The following PRKCE variants were observed in gnomAD, a reference collection of about 807,000 sequenced individuals.
PRKCE encodes the protein protein kinase C epsilon type.
In PRKCE, 16 loss-of-function variants were observed where a neutral mutation model predicts 85.4. The observed-to-expected ratio is 0.19, with a 90% CI of 0.13 to 0.28. PRKCE has a LOEUF of 0.28. Among genes scored for constraint, PRKCE ranks in the 10% least tolerant of loss-of-function variants. The probability of loss-of-function intolerance (pLI) is 1.00; values close to 1 mark genes in which losing one functional copy is unlikely to be tolerated. For synonymous variants in PRKCE, 388 were observed against 371.5 expected (o/e 1.04, Z -0.51); for missense variants, 573 against 975.2 (o/e 0.59, Z 5.49).
chr2:45,743,131 A>G (rs1178967240), intron 1 of PRKCE, among the ~76,000 whole-genome samples: 1 of 152,078 alleles, frequency 6.6e-6, no homozygotes, highest in Non-Finnish European at 1.5e-5. Context: ...TAATGGGGAG[A>G]TGTTGGTCAA....
At chr2:45,764,938 G>C (rs1166804356) in intron 1 of PRKCE, among the ~76,000 whole-genome samples, 1 of 152,080 alleles carries the variant, frequency 6.6e-6, no homozygotes, top group East Asian at 1.9e-4. Flanking sequence ...GGAGTCTCTG[G>C]CATCTCTCAG....
At chr2:46,062,382 C>T (rs1667226371) in intron 10 of PRKCE, among the ~76,000 whole-genome samples, 1 of 152,122 alleles carries the variant, frequency 6.6e-6, no homozygotes, top group African/African-American at 2.4e-5. Flanking sequence ...ATATGTCCTA[C>T]TCAAATTAGT....
intron 2 of PRKCE, among the ~76,000 whole-genome samples, chr2:45,890,586 G>A (rs1695651833): frequency 1.3e-5 from 2 of 152,060 alleles, no homozygotes. Context: ...TCACCATGGT[G>A]GCCAGGCTGG....
chr2:45,788,787 A>G (rs1686815463), intron 1 of PRKCE, among the ~76,000 whole-genome samples: 1 of 152,190 alleles, frequency 6.6e-6, no homozygotes, highest in Non-Finnish European at 1.5e-5. Context: ...AAGTAGTGCT[A>G]TTCTCGGGAT....
At chr2:46,102,383 A>G (rs1671326702) in intron 11 of PRKCE, among the ~76,000 whole-genome samples, 1 of 152,144 alleles carries the variant, frequency 6.6e-6, no homozygotes, top group African/African-American at 2.4e-5. Context: ...ATACACCATT[A>G]TTTTTATTTA....
At chr2:45,844,279 A>G (rs913179072) in intron 2 of PRKCE, among the ~76,000 whole-genome samples, 3 of 152,210 alleles carry the variant, frequency 2.0e-5, no homozygotes, top group Non-Finnish European at 4.4e-5. Context: ...GCATAGGTTT[A>G]AAACTTTAAA....
intron 2 of PRKCE, among the ~76,000 whole-genome samples, chr2:45,896,074 T>G (rs1696117117): frequency 6.6e-6 from 1 of 152,182 alleles, no homozygotes; most frequent in Admixed American, 6.5e-5. Flanking sequence ...CCCTTTGAGG[T>G]GTAAGCATAT....
At chr2:46,055,558 A>G (rs1666495391) in intron 10 of PRKCE, among the ~76,000 whole-genome samples, 1 of 151,974 alleles carries the variant, frequency 6.6e-6, no homozygotes, top group Non-Finnish European at 1.5e-5. Context: ...ATTCTTTTAT[A>G]CCCCTACCAG....
At chr2:45,931,839 T>C (rs1238388419) in intron 2 of PRKCE, among the ~76,000 whole-genome samples, 1 of 152,096 alleles carries the variant, frequency 6.6e-6, no homozygotes, top group Non-Finnish European at 1.5e-5. Context: ...CCTCAATAGC[T>C]GGGACTACAG....
chr2:45,958,841 T>A lies in PRKCE; in HGVS notation c.413-17588T>A, dbSNP rs1455116190. Among the ~76,000 whole-genome samples, 30 of 103,942 alleles carry A rather than the reference T, an allele frequency of 2.9e-4. 1 individual carries two copies. The highest frequency in any genetic ancestry group is 9.3e-4 in the African/African-American group (25 of 26,848). The allele number at this position is 103,942 out of a possible 152,430, so 68.2% of individuals were successfully genotyped here. A position where few individuals can be genotyped will look rare whatever the true frequency, so the allele number is the denominator to read the frequency against. On this transcript the variant is annotated intron_variant, in intron 2 of 14. Transcript: ENST00000306156. ...ATTTTTTTTTTTTTTTTTTTTTTTTTTTTTTTTTTTTTTTAATAGAATCCT... is the reference window on the plus strand; with the variant it reads ...ATTTTTTTTTTTTTTTTTTTTTTTTATTTTTTTTTTTTTTAATAGAATCCT...
At chr2:45,775,242 C>T (rs750143785) in intron 1 of PRKCE, among the ~76,000 whole-genome samples, 1 of 152,142 alleles carries the variant, frequency 6.6e-6, no homozygotes, top group Non-Finnish European at 1.5e-5. Flanking sequence ...TTAAAAAGTG[C>T]CCTCACCAGG....
chr2:46,153,728 T>A (rs1676873002), intron 13 of PRKCE, among the ~76,000 whole-genome samples: 1 of 151,692 alleles, frequency 6.6e-6, no homozygotes, highest in South Asian at 2.1e-4. Context: ...GGGCTGCTTC[T>A]TCTTCTTCGT....
Position 46,016,468 on chromosome 2 carries a change from T to C in PRKCE, c.1437+5951T>C, listed in dbSNP as rs182174139. Among the ~76,000 whole-genome samples the C allele has an allele frequency of 2.6e-5, 4 of 152,214 alleles. No individual in the cohort carries two copies. The East Asian group carries it at 5.8e-4, about 22-fold the overall frequency. On this transcript the variant is annotated intron_variant, in intron 10 of 14. Transcript: ENST00000306156. The stretch of plus-strand genomic sequence containing the variant: ...GCATAACAGGATTCATTCTGTGTGA[T>C]AAAGGAAAAGTTGTGGAGTTTGTTA...
chr2:46,120,867 T>C (rs548617480), intron 11 of PRKCE, among the ~76,000 whole-genome samples: 1 of 152,338 alleles, frequency 6.6e-6, no homozygotes, highest in Admixed American at 6.5e-5. Flanking sequence ...CTGTAAAAAC[T>C]AGAATAGTCT....
At chr2:45,791,043 C>T (rs561262065) in intron 1 of PRKCE, among the ~76,000 whole-genome samples, 3 of 152,198 alleles carry the variant, frequency 2.0e-5, no homozygotes, top group South Asian at 2.1e-4. Context: ...CCTCCACCTC[C>T]GCACAAACGT....
Position 45,705,991 on chromosome 2 carries a change from C to T in PRKCE, c.348+53543C>T, listed in dbSNP as rs147384095. ...GGAGCTCTGTGTCTGGCTCTGTTCC[C>T]CAGGTCATAGTAGCCAACAAAGGGA... On this transcript the variant is annotated intron_variant, in intron 1 of 14. Transcript: ENST00000306156. 6.0e-3 allele frequency among the ~76,000 whole-genome samples: 919 copies of T among 152,244 alleles called. 10 individuals carry two copies. The highest frequency in any genetic ancestry group is 0.021 in the African/African-American group (862 of 41,540).
chr2:46,036,437 A>C (rs1707864695), intron 10 of PRKCE, among the ~76,000 whole-genome samples: 1 of 152,070 alleles, frequency 6.6e-6, no homozygotes, highest in Admixed American at 6.5e-5. Context: ...TTAATTAAAA[A>C]ACATTAGCCA....
chr2:45,837,744 C>T (rs1007843224), intron 1 of PRKCE, among the ~76,000 whole-genome samples: 6 of 152,110 alleles, frequency 3.9e-5, no homozygotes, highest in South Asian at 2.1e-4. Context: ...ATACTGTTAC[C>T]ACGCCTGTAA....
At chr2:45,694,449 G>A (rs1677980935) in intron 1 of PRKCE, among the ~76,000 whole-genome samples, 1 of 152,162 alleles carries the variant, frequency 6.6e-6, no homozygotes, top group South Asian at 2.1e-4. Flanking sequence ...GGGTGCCAAA[G>A]GTTTCACTCC....
Sources: allele counts gnomAD v4.1 joint callset (sites outside exome capture counted in the v4.1 genomes callset), GRCh38; gene constraint gnomAD v4.1.1; transcripts MANE v1.5; gene names NCBI Gene and HGNC (gene_info 2026-07-23, HGNC 2026-07-21).